The following TTF2 variants were observed in gnomAD, a reference collection of about 807,000 sequenced individuals.
The protein encoded by TTF2 is RNA polymerase II termination factor.
A neutral mutation model predicts 142.4 loss-of-function variants in TTF2; 108 were observed. The ratio of observed to expected loss-of-function variants is 0.76; its 90% CI spans 0.65 to 0.89. The LOEUF is 0.89. Among genes scored for constraint, TTF2 ranks in the 40% least tolerant of loss-of-function variants. The pLI is 0.00. For synonymous variants in TTF2, 483 were observed against 506.2 expected (o/e 0.95, Z 0.61); for missense variants, 1,327 against 1,379.8 (o/e 0.96, Z 0.61).
At chr1:117,069,085 TC>T (rs1392065796) in intron 3 of TTF2, among the ~76,000 whole-genome samples, 2 of 152,238 alleles carry the variant, frequency 1.3e-5, no homozygotes, top group African/African-American at 2.4e-5. Flanking sequence ...CTGTTTTTTT[TC>T]CTAGAACATT....
intron 20 of TTF2, among the ~76,000 whole-genome samples, chr1:117,096,552 A>G (rs1477722631): frequency 6.6e-6 from 1 of 151,912 alleles, no homozygotes. Flanking sequence ...TAATTTTTGT[A>G]TTTTCAGTAG....
In TTF2 at chr1:117,075,697, CTT is replaced by C; in HGVS notation, c.1115_1116del (p.Phe372Ter). On this transcript the variant is annotated frameshift_variant, in exon 5 of 23. Coordinates refer to ENST00000369466, the MANE Select transcript of TTF2 (RefSeq NM_003594.4). LOFTEE classifies it high-confidence loss of function. This position sits in a 1 kb window ranked among gnomAD's most constrained non-coding sequence, Gnocchi z 4.5. ...CCTCTAAGCCTGGGAGCCCCCTACTCTTTGACTCGACTCTGGACTTAGAGACG... is the reference window on the plus strand; with the variant it reads ...CCTCTAAGCCTGGGAGCCCCCTACTCTGACTCGACTCTGGACTTAGAGACG... ...VSSKPGSPLL[F>X]DSTLDLETKE... The C allele has an allele frequency of 6.2e-7, 1 of 1,614,200 alleles. No individual in the cohort carries two copies.
Position 117,073,604 on chromosome 1 carries a change from T to A in TTF2, c.219-57T>A, listed in dbSNP as rs1381782800. On this transcript the variant is annotated intron_variant, in intron 3 of 22. Coordinates refer to ENST00000369466, the MANE Select transcript of TTF2 (RefSeq NM_003594.4). This position sits in a 1 kb window ranked among gnomAD's most constrained non-coding sequence, Gnocchi z 4.4. ...TTTTCTTGGATTAAAAATAAGCTTATCTCTTGTTCTAATGGATTTTCATAG... is the reference window on the plus strand; with the variant it reads ...TTTTCTTGGATTAAAAATAAGCTTAACTCTTGTTCTAATGGATTTTCATAG... The A allele has an allele frequency of 4.7e-6, 7 of 1,504,028 alleles. No homozygotes were observed. Among genetic ancestry groups the A allele is most frequent in the Non-Finnish European group, 6.4e-6 (7 of 1,100,336 alleles). The allele number at this position is 1,504,028 out of a possible 1,614,324, so 93.2% of individuals were successfully genotyped here. A position where few individuals can be genotyped will look rare whatever the true frequency, so the allele number is the denominator to read the frequency against.
At chr1:117,088,263 C>T (rs752868887) in intron 12 of TTF2, among the ~76,000 whole-genome samples, 1 of 152,132 alleles carries the variant, frequency 6.6e-6, no homozygotes, top group Non-Finnish European at 1.5e-5. Flanking sequence ...GTCGGCTGGG[C>T]GCGGTGGCTC....
At position 117,092,485 on chromosome 1, in the gene TTF2, G is replaced by A. The variant is rs1344883277; in HGVS notation, c.2806-246G>A. Among the ~76,000 whole-genome samples, 1 of 152,034 alleles carries A rather than the reference G, an allele frequency of 6.6e-6. No homozygotes were observed. The highest frequency in any genetic ancestry group is 6.6e-5 in the Admixed American group (1 of 15,266). ...AACATCTCAATTATATTCTAGCTTG[G>A]AAAAAATAGAATGATTATGTCATCT... is the stretch of plus-strand genomic sequence containing the variant. On this transcript the variant is annotated intron_variant, in intron 17 of 22. Transcript: ENST00000369466. The surrounding 1 kb of genome is among the most constrained non-coding windows in gnomAD (Gnocchi z 4.4).
Position 117,106,815 on chromosome 1 carries a change from T to C in TTF2, c.*5291T>C, listed in dbSNP as rs1185646243. ...TCCACTTCATTGAACCACCTCTTCA[T>C]TGAGCCAAACCTACCATACAGGGAT... On this transcript the variant is annotated 3_prime_UTR_variant, in exon 23 of 23. Coordinates refer to ENST00000369466, the MANE Select transcript of TTF2 (RefSeq NM_003594.4). 8 of 152,250 alleles carry C rather than the reference T, an allele frequency of 5.3e-5. No homozygotes were observed. Among genetic ancestry groups the C allele is most frequent in the African/African-American group, 1.7e-4 (7 of 41,456 alleles). The allele number at this position is 152,250 out of a possible 1,614,324, so 9.4% of individuals were successfully genotyped here. A position where few individuals can be genotyped will look rare whatever the true frequency, so the allele number is the denominator to read the frequency against.
In TTF2 at chr1:117,092,067, G is replaced by T; in HGVS notation, c.2805+117G>T. 1 of 1,190,854 alleles carries T rather than the reference G, an allele frequency of 8.4e-7. No individual in the cohort carries two copies. The highest frequency in any genetic ancestry group is 1.1e-6 in the Non-Finnish European group (1 of 887,448). 73.8% of individuals were successfully genotyped at this position (1,190,854 alleles called of 1,614,324 possible). A position where few individuals can be genotyped will look rare whatever the true frequency, so the allele number is the denominator to read the frequency against. The stretch of plus-strand genomic sequence containing the variant: ...GCTTGATCAAAGGAAATGCTGTTTC[G>T]GTTTTTCTATTTTTGTTTTTTGGTG... On this transcript the variant is annotated intron_variant, in intron 17 of 22. Transcript: ENST00000369466. This position sits in a 1 kb window ranked among gnomAD's most constrained non-coding sequence, Gnocchi z 4.4.
intron 3 of TTF2, among the ~76,000 whole-genome samples, chr1:117,064,142 T>C (rs560083938): frequency 6.6e-6 from 1 of 152,280 alleles, no homozygotes; most frequent in African/African-American, 2.4e-5. Context: ...AAAATTTTTG[T>C]CTTTTTTTAA....
At chr1:117,061,594 GA>G (rs1459859203) in intron 2 of TTF2, among the ~76,000 whole-genome samples, 2 of 152,150 alleles carry the variant, frequency 1.3e-5, no homozygotes, top group Non-Finnish European at 2.9e-5. Flanking sequence ...GATTTACACT[GA>G]GCCTCTCAGA....
chr1:117,091,534 C>T (rs1214369174), intron 16 of TTF2, 124 bp downstream of exon 16: 2 of 1,022,484 alleles, frequency 2.0e-6, no homozygotes, highest in South Asian at 1.8e-5. Flanking sequence ...CTAAGACCCT[C>T]AAACCAGAGT....
At position 117,075,094 on chromosome 1, in the gene TTF2, G is replaced by T. The variant is rs1370485932; in HGVS notation, c.510G>T (p.Lys170Asn). The T allele has an allele frequency of 1.9e-6, 3 of 1,614,096 alleles. No individual in the cohort carries two copies. Among genetic ancestry groups the T allele is most frequent in the Non-Finnish European group, 2.5e-6 (3 of 1,180,010 alleles). ...DQLFDQKKEQKPEMMEKDLSS... is the reference protein window; with the variant it reads ...DQLFDQKKEQNPEMMEKDLSS... Reference sequence around the variant, plus strand: ...TTTTCGATCAAAAGAAAGAACAGAAGCCTGAAATGATGGAGAAAGACCTCT... The same window carrying T: ...TTTTCGATCAAAAGAAAGAACAGAATCCTGAAATGATGGAGAAAGACCTCT... Residue 170 changes from lysine to asparagine, a missense_variant, in exon 5 of 23, where the codon AAG (lysine) becomes AAT (asparagine). Transcript: ENST00000369466. The surrounding 1 kb of genome is among the most constrained non-coding windows in gnomAD (Gnocchi z 4.5).
chr1:117,080,747 A>G lies in TTF2; in HGVS notation c.1784-1081A>G, dbSNP rs979155554. On this transcript the variant is annotated intron_variant, in intron 9 of 22. Transcript: ENST00000369466. The surrounding 1 kb of genome is among the most constrained non-coding windows in gnomAD (Gnocchi z 4.3). ...CTGTGATTTATTACAGTGAAAGGCT[A>G]TAGATCAAAATCAACAAAAGGAAAA... is the stretch of plus-strand genomic sequence containing the variant. 6.6e-6 allele frequency among the ~76,000 whole-genome samples: 1 copy of G among 152,232 alleles called. No homozygotes were observed. Among genetic ancestry groups the G allele is most frequent in the Non-Finnish European group, 1.5e-5 (1 of 68,036 alleles).
Position 117,079,994 on chromosome 1 carries a change from T to G in TTF2, c.1783+345T>G, listed in dbSNP as rs1323144508. On this transcript the variant is annotated intron_variant, in intron 9 of 22. Coordinates refer to ENST00000369466, the MANE Select transcript of TTF2 (RefSeq NM_003594.4). The surrounding 1 kb of genome is among the most constrained non-coding windows in gnomAD (Gnocchi z 4.2). ...GCTAGAGCCAACACACAAACAGCAG[T>G]CTATTGCCTCCCTCTTTTTTTTTTT... Among the ~76,000 whole-genome samples the G allele has an allele frequency of 6.6e-6, 1 of 151,056 alleles. No homozygotes were observed. The highest frequency in any genetic ancestry group is 2.4e-5 in the African/African-American group (1 of 41,144).
intron 20 of TTF2, among the ~76,000 whole-genome samples, chr1:117,096,626 C>T (rs1317118597): frequency 2.6e-5 from 4 of 152,216 alleles, no homozygotes; most frequent in Admixed American, 2.6e-4. Flanking sequence ...GATCCACCTG[C>T]CTTGGCCTCC....
At chr1:117,066,763 C>T (rs1057395307) in intron 3 of TTF2, among the ~76,000 whole-genome samples, 5 of 146,874 alleles carry the variant, frequency 3.4e-5, no homozygotes, top group African/African-American at 1.3e-4. Context: ...AGTACAGTGG[C>T]ACAATCTCAG....
rs1381247612 is a variant in TTF2, at chr1:117,103,801, A to T, written c.*2277A>T. ...AACCCCGTCTCTACTAAAAATACAA[A>T]AATTAGCTGAGCGTGGTGGCGTGCG... On this transcript the variant is annotated 3_prime_UTR_variant, in exon 23 of 23. Coordinates refer to ENST00000369466, the MANE Select transcript of TTF2 (RefSeq NM_003594.4). 1 of 152,366 alleles carries T rather than the reference A, an allele frequency of 6.6e-6. No homozygotes were observed. The highest frequency in any genetic ancestry group is 1.5e-5 in the Non-Finnish European group (1 of 68,192). 9.4% of individuals were successfully genotyped at this position (152,366 alleles called of 1,614,324 possible). A position where few individuals can be genotyped will look rare whatever the true frequency, so the allele number is the denominator to read the frequency against.
Position 117,095,319 on chromosome 1 carries a change from T to G in TTF2, c.2987T>G (p.Leu996Arg). 1 of 1,614,196 alleles carries G rather than the reference T, an allele frequency of 6.2e-7. No individual in the cohort carries two copies. Among genetic ancestry groups the G allele is most frequent in the Non-Finnish European group, 8.5e-7 (1 of 1,180,010 alleles). ...GMRESTKISSLLAELEAIQRN... is the reference protein window; with the variant it reads ...GMRESTKISSRLAELEAIQRN... ...GTAACCTTTTCCCAGATTTCATCTCTGTTGGCAGAATTGGAGGCAATTCAA... is the reference window on the plus strand; with the variant it reads ...GTAACCTTTTCCCAGATTTCATCTCGGTTGGCAGAATTGGAGGCAATTCAA... The change falls in exon 19 of 23, where the codon CTG becomes CGG. Residue 996 changes from leucine (L) to arginine (R), a missense_variant. Leu to Arg is a moderately radical substitution (Grantham distance 102). Transcript: ENST00000369466.
At chr1:117,065,047 T>C (rs1042671478) in intron 3 of TTF2, among the ~76,000 whole-genome samples, 1 of 152,234 alleles carries the variant, frequency 6.6e-6, no homozygotes, top group African/African-American at 2.4e-5. Flanking sequence ...TAAGTCTATT[T>C]CTGGGGTTGC....
rs1266971359 is a variant in TTF2 at position 117,089,919 on chromosome 1, T to A, written c.2343-136T>A. The A allele has an allele frequency of 1.2e-5, 12 of 986,148 alleles. No homozygotes were observed. In the East Asian group the frequency reaches 3.2e-4, roughly 26 times the overall value. The allele number at this position is 986,148 out of a possible 1,614,324, so 61.1% of individuals were successfully genotyped here. Reference sequence around the variant, plus strand: ...TGTCCAGCAAAGGTTTGCTATGAAATTCACTTTTAAAAGTGATTGGATGAC... The same window carrying A: ...TGTCCAGCAAAGGTTTGCTATGAAAATCACTTTTAAAAGTGATTGGATGAC... On this transcript the variant is annotated intron_variant, in intron 13 of 22. Transcript: ENST00000369466.
Sources: allele counts gnomAD v4.1 joint callset (sites outside exome capture counted in the v4.1 genomes callset), GRCh38; gene constraint gnomAD v4.1.1; non-coding constraint Gnocchi (gnomAD v3.1); transcripts MANE v1.5; gene names NCBI Gene and HGNC (gene_info 2026-07-23, HGNC 2026-07-21).